The following RABGEF1 variants were observed in gnomAD, a reference collection of about 807,000 sequenced individuals.
The protein encoded by RABGEF1 is RAB guanine nucleotide exchange factor 1.
Under a neutral mutation model 57.3 loss-of-function variants are expected in RABGEF1, and 26 were observed. The observed-to-expected ratio is 0.45, with a 90% CI of 0.33 to 0.63. The LOEUF (loss-of-function observed/expected upper bound fraction) is 0.63, where lower values mean the gene tolerates loss of function less well. Among genes scored for constraint, RABGEF1 ranks in the 20% least tolerant of loss-of-function variants. The pLI is 0.02. For synonymous variants in RABGEF1, 185 were observed against 210.7 expected (o/e 0.88, Z 1.06); for missense variants, 464 against 607.6 (o/e 0.76, Z 2.48).
chr7:66,737,218 A>G (rs199938845), upstream of RABGEF1, among the ~76,000 whole-genome samples: 9 of 151,694 alleles, frequency 5.9e-5, no homozygotes, highest in East Asian at 1.7e-3. Flanking sequence ...TATTTATTTA[A>G]TTTTTAGGTG....
chr7:66,716,046 T>C (rs796682722), intron 2 of RABGEF1, among the ~76,000 whole-genome samples: 16 of 152,344 alleles, frequency 1.1e-4, no homozygotes, highest in African/African-American at 3.8e-4. Flanking sequence ...AGAGTCCAAC[T>C]ATAATTTTGA....
intron 1 of RABGEF1, among the ~76,000 whole-genome samples, chr7:66,702,077 C>G (rs1362636908): frequency 6.6e-6 from 1 of 152,152 alleles, no homozygotes; most frequent in African/African-American, 2.4e-5. Flanking sequence ...TTTTCCCAGC[C>G]CTGACAATCA....
chr7:66,705,450 AGAGAGAG>A (rs1562716571), intron 1 of RABGEF1, among the ~76,000 whole-genome samples: 4 of 119,386 alleles, frequency 3.4e-5, no homozygotes, highest in Middle Eastern at 3.9e-3. Flanking sequence ...AGAAAGAGAG[AGAGAGAG>A]AGAGAGAGAG....
In RABGEF1 at chr7:66,805,103, T is replaced by G; in HGVS notation, c.821-37T>G. On this transcript the variant is annotated intron_variant, in intron 7 of 8. Coordinates refer to ENST00000284957, the MANE Select transcript of RABGEF1 (RefSeq NM_014504.3). Reference sequence around the variant, plus strand: ...TCCTATTGCTTCTTTTTTGTGATTCTTTTCTCCTGGGAAATATTGTCTTTT... The same window carrying G: ...TCCTATTGCTTCTTTTTTGTGATTCGTTTCTCCTGGGAAATATTGTCTTTT... 1.9e-6 allele frequency: 3 copies of G among 1,548,654 alleles called. 1 individual carries two copies. In the South Asian group the frequency reaches 3.4e-5, roughly 17 times the overall value.
At chr7:66,715,184 A>G (rs186425797) in intron 2 of RABGEF1, among the ~76,000 whole-genome samples, 1 of 152,016 alleles carries the variant, frequency 6.6e-6, no homozygotes, top group African/African-American at 2.4e-5. Context: ...CTGGAGTACC[A>G]TGACAGGATC....
chr7:66,737,331 TAC>T (rs1254097241), upstream of RABGEF1, among the ~76,000 whole-genome samples: 1 of 152,108 alleles, frequency 6.6e-6, no homozygotes, highest in African/African-American at 2.4e-5. Flanking sequence ...CATGGCTCAC[TAC>T]ATCCTTAATC....
chr7:66,789,202 G>A (rs1461413434), intron 4 of RABGEF1, among the ~76,000 whole-genome samples: 1 of 152,164 alleles, frequency 6.6e-6, no homozygotes, highest in Non-Finnish European at 1.5e-5. Flanking sequence ...CAGAAGAACA[G>A]AAGTATGTAC....
the RABGEF1 span, among the ~76,000 whole-genome samples, chr7:66,673,448 C>T: frequency 2.0e-5 from 3 of 151,704 alleles, no homozygotes; most frequent in Non-Finnish European, 2.9e-5. Context: ...CCTCTGGCAG[C>T]GGTGGCTACT....
intron 3 of RABGEF1, among the ~76,000 whole-genome samples, chr7:66,778,716 A>G (rs1354359214): frequency 6.6e-6 from 1 of 152,158 alleles, no homozygotes; most frequent in African/African-American, 2.4e-5. Flanking sequence ...TAGAGTAGGG[A>G]AAAAAGGGCC....
chr7:66,669,646 A>T, the RABGEF1 span: 1 of 152,334 alleles, frequency 6.6e-6, no homozygotes, highest in Admixed American at 6.5e-5. Context: ...CATTATCTCA[A>T]TGAGGCCCAC....
At chr7:66,777,387 T>C (rs1358277463) in intron 3 of RABGEF1, among the ~76,000 whole-genome samples, 1 of 152,054 alleles carries the variant, frequency 6.6e-6, no homozygotes, top group Non-Finnish European at 1.5e-5. Flanking sequence ...TGGGTCAATA[T>C]TTTTCCATTA....
At chr7:66,722,134 G>A (rs1796119202) in intron 2 of RABGEF1, among the ~76,000 whole-genome samples, 1 of 151,904 alleles carries the variant, frequency 6.6e-6, no homozygotes, top group African/African-American at 2.4e-5. Context: ...TTCATCCTGG[G>A]CAACAGAATA....
At chr7:66,801,350 G>A (rs1259571308) in intron 7 of RABGEF1, among the ~76,000 whole-genome samples, 1 of 152,094 alleles carries the variant, frequency 6.6e-6, no homozygotes. Context: ...GGGGAAATGG[G>A]GTCCATCCTC....
chr7:66,786,284 C>T (rs951310113), intron 4 of RABGEF1, among the ~76,000 whole-genome samples: 1 of 152,242 alleles, frequency 6.6e-6, no homozygotes, highest in East Asian at 1.9e-4. Context: ...CTTGTCTACA[C>T]TAAGATGTTT....
chr7:66,688,799 TTAAAAA>T (rs1791093594), intron 1 of RABGEF1, among the ~76,000 whole-genome samples: 1 of 152,112 alleles, frequency 6.6e-6, no homozygotes, highest in Non-Finnish European at 1.5e-5. Flanking sequence ...GCATCTACCT[TTAAAAA>T]TAAGAAAGCC....
intron 1 of RABGEF1, among the ~76,000 whole-genome samples, chr7:66,699,864 A>C (rs990181840): frequency 7.9e-5 from 12 of 152,160 alleles, no homozygotes; most frequent in African/African-American, 2.4e-4. Flanking sequence ...AAAATAAAAT[A>C]AAAATAAAAT....
chr7:66,740,563 C>T (rs12535669), upstream of RABGEF1: 5,524 of 152,626 alleles, frequency 0.036, 154 homozygotes, highest in Middle Eastern at 0.076. Flanking sequence ...GGCGTCAGGG[C>T]GGTACCCCAC....
intron 4 of RABGEF1, among the ~76,000 whole-genome samples, chr7:66,786,579 T>G (rs1350027057): frequency 1.3e-5 from 2 of 152,164 alleles, no homozygotes; most frequent in African/African-American, 4.8e-5. Context: ...GAGTTTTTTA[T>G]TTTTTGTAGA....
chr7:66,763,620 T>C (rs1215925230), intron 1 of RABGEF1, among the ~76,000 whole-genome samples: 1 of 152,196 alleles, frequency 6.6e-6, no homozygotes, highest in African/African-American at 2.4e-5. Flanking sequence ...ATTTTCATCA[T>C]CTCAAAAAGG....
Sources: gnomAD v4.1 joint callset for allele counts (sites outside exome capture counted in the v4.1 genomes callset) on GRCh38, gnomAD v4.1.1 for gene constraint, MANE v1.5 for transcripts, NCBI Gene and HGNC (gene_info 2026-07-23, HGNC 2026-07-21) for gene names.